TNNI3K: variants seen among roughly 807,000 people sequenced by gnomAD.
TNNI3K encodes serine/threonine-protein kinase TNNI3K.
A neutral mutation model predicts 114.5 loss-of-function variants in TNNI3K; 140 were observed. The observed-to-expected ratio is 1.22, with a 90% CI of 1.07 to 1.41. The LOEUF (loss-of-function observed/expected upper bound fraction) is 1.41. TNNI3K is among the 40% of genes most tolerant of loss of function. The pLI, the probability that TNNI3K is intolerant of heterozygous loss-of-function variation, is 0.00. For synonymous variants in TNNI3K, 347 were observed against 347.5 expected (o/e 1.00, Z 0.02); for missense variants, 1,125 against 1,007.6 (o/e 1.12, Z -1.58).
At chr1:74,394,936 C>T (rs1413878092) in intron 17 of TNNI3K, among the ~76,000 whole-genome samples, 1 of 151,234 alleles carries the variant, frequency 6.6e-6, no homozygotes, top group African/African-American at 2.4e-5. Context: ...CCCAGCTACT[C>T]GGGAGGCTGA....
At chr1:74,241,591 T>A (rs1173516010) in intron 2 of TNNI3K, among the ~76,000 whole-genome samples, 1 of 152,236 alleles carries the variant, frequency 6.6e-6, no homozygotes, top group Non-Finnish European at 1.5e-5. Flanking sequence ...TTGAGAAGTA[T>A]CTGTTCATAT....
At chr1:74,515,934 T>C (rs1646342067) in intron 23 of TNNI3K, among the ~76,000 whole-genome samples, 1 of 152,186 alleles carries the variant, frequency 6.6e-6, no homozygotes, top group Non-Finnish European at 1.5e-5. Flanking sequence ...GCCTTCAAGG[T>C]TCTGATGTCT....
intron 20 of TNNI3K, among the ~76,000 whole-genome samples, chr1:74,454,961 T>TA (rs750960754): frequency 1.3e-5 from 2 of 152,160 alleles, no homozygotes; most frequent in Non-Finnish European, 2.9e-5. Flanking sequence ...AAGCACTCAG[T>TA]AAATGTTAGG....
chr1:74,361,158 C>T (rs1012614361), intron 11 of TNNI3K, among the ~76,000 whole-genome samples: 1 of 152,030 alleles, frequency 6.6e-6, no homozygotes, highest in Non-Finnish European at 1.5e-5. Context: ...AATAAACAGG[C>T]AAAATATTTT....
intron 5 of TNNI3K, among the ~76,000 whole-genome samples, chr1:74,306,596 T>C (rs909094061): frequency 6.6e-6 from 1 of 152,206 alleles, no homozygotes; most frequent in African/African-American, 2.4e-5. Flanking sequence ...TGGCATCTCA[T>C]GGTGGCTTTA....
At chr1:74,522,723 C>T (rs1359560421) in intron 23 of TNNI3K, among the ~76,000 whole-genome samples, 1 of 152,036 alleles carries the variant, frequency 6.6e-6, no homozygotes, top group African/African-American at 2.4e-5. Context: ...GATTCATTTT[C>T]TGATTGGAAT....
At chr1:74,245,853 A>T (rs544184136) in intron 2 of TNNI3K, among the ~76,000 whole-genome samples, 1 of 151,912 alleles carries the variant, frequency 6.6e-6, no homozygotes, top group African/African-American at 2.4e-5. Flanking sequence ...TTACCCTCCT[A>T]CCCTTCTTGC....
intron 22 of TNNI3K, among the ~76,000 whole-genome samples, chr1:74,491,251 C>A (rs755325317): frequency 2.0e-5 from 3 of 152,162 alleles, no homozygotes; most frequent in Non-Finnish European, 2.9e-5. Flanking sequence ...GAGAGAGTCT[C>A]GCTCTGTCTC....
intron 23 of TNNI3K, among the ~76,000 whole-genome samples, chr1:74,535,560 T>C (rs1332234743): frequency 6.6e-6 from 1 of 152,160 alleles, no homozygotes; most frequent in Non-Finnish European, 1.5e-5. Context: ...CCAGGTAGGT[T>C]CCTGGATCCC....
intron 2 of TNNI3K, among the ~76,000 whole-genome samples, chr1:74,249,186 T>TGTGACA (rs1239132829): frequency 2.0e-5 from 3 of 151,736 alleles, no homozygotes; most frequent in Admixed American, 2.0e-4. Context: ...AATTCGCTAT[T>TGTGACA]GTGACATCTA....
chr1:74,306,598 G>A (rs1270953715), intron 5 of TNNI3K, among the ~76,000 whole-genome samples: 1 of 152,120 alleles, frequency 6.6e-6, no homozygotes, highest in Non-Finnish European at 1.5e-5. Flanking sequence ...GCATCTCATG[G>A]TGGCTTTAAT....
intron 20 of TNNI3K, among the ~76,000 whole-genome samples, chr1:74,440,614 C>A (rs1489665857): frequency 2.0e-5 from 3 of 152,068 alleles, no homozygotes; most frequent in African/African-American, 7.2e-5. Flanking sequence ...TAATTACACC[C>A]TGCATAGCAG....
At chr1:74,515,714 G>A (rs1646339736) in intron 23 of TNNI3K, among the ~76,000 whole-genome samples, 1 of 152,180 alleles carries the variant, frequency 6.6e-6, no homozygotes, top group South Asian at 2.1e-4. Flanking sequence ...AACACTGATG[G>A]AAATAACTAA....
chr1:74,410,767 A>G (rs1360199257), intron 17 of TNNI3K, among the ~76,000 whole-genome samples: 1 of 152,178 alleles, frequency 6.6e-6, no homozygotes, highest in Non-Finnish European at 1.5e-5. Flanking sequence ...TTGAATTGAG[A>G]TGTATTCTTT....
intron 23 of TNNI3K, among the ~76,000 whole-genome samples, chr1:74,521,984 G>A (rs1156274708): frequency 1.3e-5 from 2 of 152,080 alleles, no homozygotes; most frequent in African/African-American, 2.4e-5. Flanking sequence ...TGAGATCCAG[G>A]TAGAGTAAAA....
chr1:74,462,749 A>G (rs949386724), intron 20 of TNNI3K, among the ~76,000 whole-genome samples: 2 of 152,202 alleles, frequency 1.3e-5, no homozygotes, highest in Non-Finnish European at 2.9e-5. Context: ...AGCAATCAGG[A>G]ATCTACAGTG....
intron 23 of TNNI3K, among the ~76,000 whole-genome samples, chr1:74,513,985 C>A (rs1387027134): frequency 1.3e-5 from 2 of 152,162 alleles, no homozygotes; most frequent in African/African-American, 4.8e-5. Flanking sequence ...GTAAAGTTAT[C>A]TTTGGTTGTA....
intron 23 of TNNI3K, among the ~76,000 whole-genome samples, chr1:74,521,175 A>G (rs1240847065): frequency 1.3e-5 from 2 of 152,156 alleles, no homozygotes; most frequent in East Asian, 1.9e-4. Flanking sequence ...GAGGTTGTGT[A>G]TTGTAGTTAT....
intron 21 of TNNI3K, among the ~76,000 whole-genome samples, chr1:74,477,961 G>A (rs1324160132): frequency 1.3e-5 from 2 of 152,150 alleles, no homozygotes; most frequent in African/African-American, 2.4e-5. Context: ...CCAGTTCATA[G>A]TGTAAGTGTC....
Sources: gnomAD v4.1 joint callset for allele counts (sites outside exome capture counted in the v4.1 genomes callset) on GRCh38, gnomAD v4.1.1 for gene constraint, MANE v1.5 for transcripts, NCBI Gene and HGNC (gene_info 2026-07-23, HGNC 2026-07-21) for gene names.